The following TSC22D1 variants were observed in gnomAD, a reference collection of about 807,000 sequenced individuals.
TSC22D1 encodes TSC22 domain family member 1, also known as TSC22 domain family protein 1.
In TSC22D1, 9 loss-of-function variants were observed where a neutral mutation model predicts 74.2. That is an observed-to-expected ratio of 0.12 (90% CI 0.07 to 0.21). The LOEUF (loss-of-function observed/expected upper bound fraction) is 0.21, where lower values mean the gene tolerates loss of function less well. TSC22D1 is among the 10% of genes least tolerant of loss of function. The pLI, the probability that TSC22D1 is intolerant of heterozygous loss-of-function variation, is 1.00. For synonymous variants in TSC22D1, 586 were observed against 492.5 expected (o/e 1.19, Z -2.51); for missense variants, 1,427 against 1,304.7 (o/e 1.09, Z -1.44).
intron 1 of TSC22D1, among the ~76,000 whole-genome samples, chr13:44,482,138 T>C (rs1056195647): frequency 6.6e-6 from 1 of 152,224 alleles, no homozygotes; most frequent in African/African-American, 2.4e-5. Flanking sequence ...ATAAAAGAAT[T>C]GACATCTATG....
chr13:44,551,338 T>C (rs540610009), intron 1 of TSC22D1, among the ~76,000 whole-genome samples: 1 of 148,960 alleles, frequency 6.7e-6, no homozygotes, highest in African/African-American at 2.5e-5. Flanking sequence ...TGTGTGTGTG[T>C]GTGACCCTGT....
At position 44,537,706 on chromosome 13, in the gene TSC22D1, G is replaced by A. The variant is rs1881235601; in HGVS notation, c.2912+35457C>T. The A allele has an allele frequency of 7.1e-6, 7 of 984,286 alleles. No homozygotes were observed. In the South Asian group the frequency reaches 1.9e-4, roughly 26 times the overall value. 61.0% of individuals were successfully genotyped at this position (984,286 alleles called of 1,614,324 possible). ...ACTTATGGGAATTCAAAGCTCTCTG[G>A]GGAAATTTCAGTTCAAATTGAACCT... On this transcript the variant is annotated intron_variant, in intron 1 of 2. Transcript: ENST00000458659.
In TSC22D1 at chr13:44,576,281, C is replaced by A. The variant is rs1047795065; in HGVS notation, c.-207G>T. ...GGAGGATGAACGAGGGTGAACAGGG[C>A]GGCCGGGGACCCGAAGGGGGGATCC... On this transcript the variant is annotated 5_prime_UTR_variant, in exon 1 of 3. Transcript: ENST00000458659. 2.2e-5 allele frequency: 15 copies of A among 673,882 alleles called. No individual in the cohort carries two copies. Among genetic ancestry groups the A allele is most frequent in the African/African-American group, 3.6e-5 (2 of 55,034 alleles). The allele number at this position is 673,882 out of a possible 1,614,324, so 41.7% of individuals were successfully genotyped here. A position where few individuals can be genotyped will look rare whatever the true frequency, so the allele number is the denominator to read the frequency against.
At chr13:44,456,433 T>C (rs1876652877) in intron 1 of TSC22D1, among the ~76,000 whole-genome samples, 1 of 152,126 alleles carries the variant, frequency 6.6e-6, no homozygotes, top group Admixed American at 6.5e-5. Flanking sequence ...CACAGAGCGC[T>C]GATTGGTCCA....
chr13:44,570,701 ATTG>A (rs1428544498), intron 1 of TSC22D1, among the ~76,000 whole-genome samples: 3 of 152,282 alleles, frequency 2.0e-5, no homozygotes, highest in Non-Finnish European at 2.9e-5. Context: ...CCCAAATTAT[ATTG>A]TTAACACATT....
chr13:44,439,537 T>G (rs1057392189), intron 1 of TSC22D1, among the ~76,000 whole-genome samples: 4 of 152,244 alleles, frequency 2.6e-5, no homozygotes, highest in African/African-American at 9.6e-5. Context: ...ATATGTCTGG[T>G]GCCTCATCAG....
At chr13:44,453,475 T>C (rs1222355164) in intron 1 of TSC22D1, among the ~76,000 whole-genome samples, 3 of 152,224 alleles carry the variant, frequency 2.0e-5, no homozygotes, top group Admixed American at 1.3e-4. Flanking sequence ...AAAATAACTG[T>C]TTATATCTTT....
chr13:44,570,055 T>A (rs142844193), intron 1 of TSC22D1, among the ~76,000 whole-genome samples: 2 of 152,282 alleles, frequency 1.3e-5, no homozygotes, highest in Non-Finnish European at 2.9e-5. Context: ...GAAGGATGAA[T>A]AGAAGTTTGA....
At chr13:44,568,301 A>G (rs1883513686) in intron 1 of TSC22D1, among the ~76,000 whole-genome samples, 1 of 152,206 alleles carries the variant, frequency 6.6e-6, no homozygotes, top group Admixed American at 6.6e-5. Context: ...TCAGTGGGAT[A>G]TAACACTTCC....
chr13:44,538,524 G>C, intron 1 of TSC22D1: 3 of 985,300 alleles, frequency 3.0e-6, no homozygotes. Flanking sequence ...TGTTTTAAAT[G>C]AAACAGATAC....
chr13:44,529,952 G>A (rs1880741909), intron 1 of TSC22D1, among the ~76,000 whole-genome samples: 2 of 152,216 alleles, frequency 1.3e-5, no homozygotes, highest in African/African-American at 4.8e-5. Flanking sequence ...GATATTCCAT[G>A]TTTATAGATA....
chr13:44,542,112 G>C (rs1566163166), intron 1 of TSC22D1, among the ~76,000 whole-genome samples: 2 of 151,948 alleles, frequency 1.3e-5, no homozygotes, highest in Non-Finnish European at 2.9e-5. Context: ...TTATAATTAA[G>C]ATACGATTTT....
At chr13:44,447,294 A>T (rs1875758677) in intron 1 of TSC22D1, among the ~76,000 whole-genome samples, 1 of 152,128 alleles carries the variant, frequency 6.6e-6, no homozygotes, top group South Asian at 2.1e-4. Context: ...TACATGTAGT[A>T]TTTTGATTTA....
At chr13:44,549,538 TGAG>T (rs1256038467) in intron 1 of TSC22D1, among the ~76,000 whole-genome samples, 1 of 151,978 alleles carries the variant, frequency 6.6e-6, no homozygotes, top group Admixed American at 6.6e-5. Flanking sequence ...ATTAGGAGGC[TGAG>T]GAGAGAGGAT....
intron 1 of TSC22D1, chr13:44,536,734 AAG>A (rs1881147845): frequency 1.0e-6 from 1 of 984,522 alleles, no homozygotes; most frequent in Admixed American, 6.2e-5. Flanking sequence ...GTATTAACTC[AAG>A]AGAGTTTTAA....
chr13:44,469,750 CTATT>C (rs900052264), intron 1 of TSC22D1, among the ~76,000 whole-genome samples: 4 of 152,080 alleles, frequency 2.6e-5, no homozygotes, highest in Admixed American at 1.3e-4. Context: ...ATTTATCTAT[CTATT>C]TAAGTCATGA....
At chr13:44,499,830 T>C (rs936708023) in intron 1 of TSC22D1, among the ~76,000 whole-genome samples, 2 of 152,118 alleles carry the variant, frequency 1.3e-5, no homozygotes, top group African/African-American at 4.8e-5. Context: ...CTCACATGTG[T>C]AATCACAGCA....
intron 1 of TSC22D1, among the ~76,000 whole-genome samples, chr13:44,572,043 G>A (rs1310207311): frequency 2.0e-5 from 3 of 152,010 alleles, no homozygotes; most frequent in African/African-American, 4.8e-5. Context: ...CTTGATGAAA[G>A]TTCAATCACA....
intron 1 of TSC22D1, among the ~76,000 whole-genome samples, chr13:44,528,261 C>A (rs1393376598): frequency 6.6e-6 from 1 of 152,022 alleles, no homozygotes; most frequent in Non-Finnish European, 1.5e-5. Flanking sequence ...CTCAAGCTCA[C>A]ATAAATGTTC....
Sources: gnomAD v4.1 joint callset for allele counts (sites outside exome capture counted in the v4.1 genomes callset) on GRCh38, gnomAD v4.1.1 for gene constraint, MANE v1.5 for transcripts, NCBI Gene and HGNC (gene_info 2026-07-23, HGNC 2026-07-21) for gene names.